Variants in LDLRAD4 observed in about 807,000 individuals in gnomAD.
LDLRAD4 encodes low-density lipoprotein receptor class A domain-containing protein 4.
In LDLRAD4, 5 loss-of-function variants were observed where a neutral mutation model predicts 17.0. The ratio of observed to expected loss-of-function variants is 0.29; its 90% CI spans 0.15 to 0.62. LDLRAD4 has a LOEUF of 0.62. Among genes scored for constraint, LDLRAD4 ranks in the 20% least tolerant of loss-of-function variants. The pLI is 0.84. For synonymous variants in LDLRAD4, 168 were observed against 171.8 expected, an observed-to-expected ratio of 0.98 and a Z score of 0.17; for missense variants, 340 against 424.7, an observed-to-expected ratio of 0.80 and a Z score of 1.75.
chr18:13,324,899 G>T (rs1048041078), intron 1 of LDLRAD4, among the ~76,000 whole-genome samples: 1 of 152,174 alleles, frequency 6.6e-6, no homozygotes, highest in East Asian at 1.9e-4. Context: ...TTTGATTTTC[G>T]CTCACTGAAT....
intron 2 of LDLRAD4, among the ~76,000 whole-genome samples, chr18:13,411,643 C>T (rs552258549): frequency 8.5e-5 from 13 of 152,292 alleles, no homozygotes; most frequent in Admixed American, 2.0e-4. Flanking sequence ...CCAGGTAAGA[C>T]GTGACTTTGC....
At chr18:13,429,806 G>T (rs1374827370) in intron 2 of LDLRAD4, among the ~76,000 whole-genome samples, 1 of 152,230 alleles carries the variant, frequency 6.6e-6, no homozygotes, top group African/African-American at 2.4e-5. Flanking sequence ...GCCGCAGGTC[G>T]CGAGGCCCCA....
At chr18:13,420,921 G>A (rs1437379865) in intron 2 of LDLRAD4, 1 of 152,272 alleles carries the variant, frequency 6.6e-6, no homozygotes, top group Non-Finnish European at 1.5e-5. Flanking sequence ...GTAGCTTGGG[G>A]TGACTTAGTT....
In LDLRAD4 at chr18:13,513,686, A is replaced by G. The variant is rs147947645; in HGVS notation, c.181+75302A>G. ...CTATGTTCAAATCACCAGGGCCCCA[A>G]GCCTTGGACCTATGTTGGGCTTTGA... On this transcript the variant is annotated intron_variant, in intron 3 of 5. Coordinates refer to ENST00000359446, the Ensembl canonical transcript of LDLRAD4. 3.9e-4 allele frequency among the ~76,000 whole-genome samples: 60 copies of G among 152,220 alleles called. No individual in the cohort carries two copies. In the East Asian group the frequency reaches 0.011, roughly 27 times the overall value.
At chr18:13,445,043 A>T (rs2091292840) in intron 3 of LDLRAD4, among the ~76,000 whole-genome samples, 1 of 152,194 alleles carries the variant, frequency 6.6e-6, no homozygotes, top group South Asian at 2.1e-4. Flanking sequence ...GTAAGCATTT[A>T]TTCTGGGACC....
chr18:13,571,598 T>C (rs1363391050), intron 3 of LDLRAD4, among the ~76,000 whole-genome samples: 1 of 152,176 alleles, frequency 6.6e-6, no homozygotes, highest in Non-Finnish European at 1.5e-5. Flanking sequence ...TTGCTTTGGA[T>C]TCTGAAAAAT....
chr18:13,327,591 A>G (rs1170892250), intron 1 of LDLRAD4, among the ~76,000 whole-genome samples: 1 of 151,138 alleles, frequency 6.6e-6, no homozygotes, highest in Non-Finnish European at 1.5e-5. Context: ...TTTTTTTTTT[A>G]ATTAAGGATT....
chr18:13,521,701 C>T (rs2093956315), intron 3 of LDLRAD4: 1 of 152,004 alleles, frequency 6.6e-6, no homozygotes, highest in Non-Finnish European at 1.5e-5. Flanking sequence ...GTCATCTGAG[C>T]TTTCTCTCAG....
intron 1 of LDLRAD4, among the ~76,000 whole-genome samples, chr18:13,232,766 G>A (rs543469237): frequency 6.6e-6 from 1 of 152,158 alleles, no homozygotes. Context: ...TCTCTCCTCC[G>A]CAGCCCAGGA....
chr18:13,434,052 G>A (rs552079015), intron 2 of LDLRAD4, among the ~76,000 whole-genome samples: 47 of 152,194 alleles, frequency 3.1e-4, no homozygotes, highest in Non-Finnish European at 6.2e-4. Context: ...GGGTGGATCA[G>A]TGTGTCTAGG....
chr18:13,610,908 T>C (rs1336503230), intron 3 of LDLRAD4, among the ~76,000 whole-genome samples: 4 of 152,198 alleles, frequency 2.6e-5, no homozygotes, highest in African/African-American at 9.7e-5. Context: ...ATTCGGAAAT[T>C]GCTCAGGAAG....
At chr18:13,431,348 C>G (rs369950948) in intron 2 of LDLRAD4, among the ~76,000 whole-genome samples, 3 of 152,206 alleles carry the variant, frequency 2.0e-5, no homozygotes, top group East Asian at 1.9e-4. Flanking sequence ...AGAATGCCTC[C>G]TCGCATCTTA....
chr18:13,396,277 G>C (rs2086688212), intron 2 of LDLRAD4, among the ~76,000 whole-genome samples: 1 of 151,734 alleles, frequency 6.6e-6, no homozygotes, highest in Non-Finnish European at 1.5e-5. Flanking sequence ...TGGTGCCCTA[G>C]CTGGGCGTGT....
At chr18:13,566,787 A>G (rs1342035319) in intron 3 of LDLRAD4, among the ~76,000 whole-genome samples, 1 of 152,164 alleles carries the variant, frequency 6.6e-6, no homozygotes, top group African/African-American at 2.4e-5. Context: ...GTCCCCCAAA[A>G]AGAGAGGATT....
intron 3 of LDLRAD4, chr18:13,526,600 G>C (rs141302068): frequency 3.0e-4 from 45 of 152,278 alleles, no homozygotes; most frequent in African/African-American, 9.1e-4. Context: ...TGTTACTCTT[G>C]TGAGGTTATT....
intron 1 of LDLRAD4, among the ~76,000 whole-genome samples, chr18:13,376,617 G>A (rs113768869): frequency 5.3e-5 from 8 of 152,168 alleles, no homozygotes; most frequent in East Asian, 1.9e-4. Flanking sequence ...TGCAGTTGCC[G>A]ATCAGTGCCT....
intron 3 of LDLRAD4, among the ~76,000 whole-genome samples, chr18:13,506,132 C>T (rs140652183): frequency 6.6e-6 from 1 of 152,310 alleles, no homozygotes; most frequent in African/African-American, 2.4e-5. Context: ...TTCCTTATAG[C>T]CACTTTCCTC....
intron 3 of LDLRAD4, among the ~76,000 whole-genome samples, chr18:13,549,667 T>TA (rs758638387): frequency 3.3e-5 from 5 of 151,634 alleles, no homozygotes; most frequent in Non-Finnish European, 7.4e-5. Context: ...GGAGGAAACT[T>TA]AGAGAACAGA....
chr18:13,430,935 G>T (rs970814028), intron 2 of LDLRAD4, among the ~76,000 whole-genome samples: 1 of 152,212 alleles, frequency 6.6e-6, no homozygotes, highest in Non-Finnish European at 1.5e-5. Context: ...GAAAGGAAAG[G>T]AAATGTGTCT....
Sources: gnomAD v4.1 joint callset for allele counts (sites outside exome capture counted in the v4.1 genomes callset) on GRCh38, gnomAD v4.1.1 for gene constraint, MANE v1.5 for transcripts, NCBI Gene and HGNC (gene_info 2026-07-23, HGNC 2026-07-21) for gene names.